LPA: variants seen among roughly 807,000 people sequenced by gnomAD.
The protein encoded by LPA is apolipoprotein(a).
In LPA, 199 loss-of-function variants were observed where a neutral mutation model predicts 197.9. The ratio of observed to expected loss-of-function variants is 1.01; its 90% confidence interval spans 0.90 to 1.13. LPA has a LOEUF of 1.13. LPA is among the 50% of genes most tolerant of loss of function. The pLI, the probability that LPA is intolerant of heterozygous loss-of-function variation, is 0.00. For missense variants in LPA, 1,853 were observed against 1,785.8 expected, an observed-to-expected ratio of 1.04 and a Z score of -0.68; for synonymous variants, 715 against 639.5, an observed-to-expected ratio of 1.12 and a Z score of -1.78.
intron 7 of LPA, among the ~76,000 whole-genome samples, chr6:160,634,698 G>T (rs1420574064): frequency 1.3e-5 from 2 of 151,816 alleles, no homozygotes; most frequent in African/African-American, 4.9e-5. Context: ...GGTTTCTCGA[G>T]GATGACAGGC....
rs534780562 is a variant in LPA at position 160,558,039 on chromosome 6, T to C, written c.4632-468A>G. Among the ~76,000 whole-genome samples, 1,131 of 151,804 alleles carry C rather than the reference T, an allele frequency of 7.5e-3. 2 individuals are homozygous for C. Among genetic ancestry groups the C allele is most frequent in the African/African-American group, 0.016 (681 of 41,406 alleles). ...GGTTCAAGCCATTCTCCTGCCTCAGTCTCCTGAGTAGCTGGGACTACAGGC... is the reference window on the plus strand; with the variant it reads ...GGTTCAAGCCATTCTCCTGCCTCAGCCTCCTGAGTAGCTGGGACTACAGGC... On this transcript the variant is annotated intron_variant, in intron 28 of 38. Coordinates refer to ENST00000316300, the MANE Select transcript of LPA (RefSeq NM_005577.4).
chr6:160,534,566 C>T (rs1443996669), intron 37 of LPA, among the ~76,000 whole-genome samples: 3 of 152,170 alleles, frequency 2.0e-5, no homozygotes, highest in Admixed American at 6.5e-5. Context: ...CATCCAAATC[C>T]GGGAAGGTCT....
chr6:160,649,901 A>C (rs1448035018), intron 2 of LPA, among the ~76,000 whole-genome samples: 1 of 152,204 alleles, frequency 6.6e-6, no homozygotes, highest in East Asian at 1.9e-4. Context: ...GAATAGACAT[A>C]GATATAGAAA....
chr6:160,557,201 A>T (rs1195895217), intron 29 of LPA, among the ~76,000 whole-genome samples, 189 bp downstream of exon 29: 1 of 152,018 alleles, frequency 6.6e-6, no homozygotes, highest in African/African-American at 2.4e-5. Flanking sequence ...GGTTTGCACC[A>T]TTCCTGAAGT....
intron 28 of LPA, among the ~76,000 whole-genome samples, chr6:160,565,188 A>G (rs1778429457): frequency 6.6e-6 from 1 of 152,200 alleles, no homozygotes; most frequent in African/African-American, 2.4e-5. Flanking sequence ...TTCTCCCAGC[A>G]GAGAGTTTGA....
At chr6:160,554,381 T>C (rs538017678) in intron 30 of LPA, among the ~76,000 whole-genome samples, 1 of 152,328 alleles carries the variant, frequency 6.6e-6, no homozygotes, top group Admixed American at 6.5e-5. Flanking sequence ...ACTGTAATCA[T>C]GTTATTTACC....
intron 37 of LPA, among the ~76,000 whole-genome samples, chr6:160,537,384 G>C (rs1411765442): frequency 6.6e-6 from 1 of 152,142 alleles, no homozygotes; most frequent in Admixed American, 6.5e-5. Context: ...GGGTATTTGG[G>C]AAGAAGAATA....
rs753180293 is a variant in LPA, at chr6:160,577,136, G to T, written c.4631C>A (p.Ala1544Asp). 3.7e-6 allele frequency: 6 copies of T among 1,613,222 alleles called. No individual in the cohort carries two copies. The Admixed American group carries it at 1.0e-4, about 27-fold the overall frequency. Reference sequence around the variant, plus strand: ...CTTATGGTTTTAATCAAATACATACGCATTTGGGTAGTTTTCTGGGGTCCT... The same window carrying T: ...CTTATGGTTTTAATCAAATACATACTCATTTGGGTAGTTTTCTGGGGTCCT... ...HQRTPENYPN[A>D]GLTENYCRNP... is the part of the protein sequence containing the mutation. The change falls in exon 28 of 39, where the codon GCT (alanine) becomes GAT (aspartate). Residue 1544 changes from alanine (A) to aspartate (D), a missense_variant and splice_region_variant. Physicochemically the swap from Ala to Asp is moderately radical, Grantham distance 126. Transcript: ENST00000316300.
At position 160,584,825 on chromosome 6, in the gene LPA, C is replaced by T. The variant is rs1403950173; in HGVS notation, c.4289+221G>A. 3.3e-5 allele frequency among the ~76,000 whole-genome samples: 5 copies of T among 152,154 alleles called. No homozygotes were observed. The East Asian group carries it at 9.6e-4, about 29-fold the overall frequency. The stretch of plus-strand genomic sequence containing the variant: ...TACATTAATGAGACTTCACCACCTC[C>T]ATATATCCTGCTGCTTCCATCAAAT... On this transcript the variant is annotated intron_variant, in intron 26 of 38. Transcript: ENST00000316300.
intron 30 of LPA, among the ~76,000 whole-genome samples, chr6:160,554,602 T>G (rs1229139441): frequency 1.3e-5 from 2 of 152,156 alleles, no homozygotes; most frequent in African/African-American, 2.4e-5. Flanking sequence ...CTCGGGCTGA[T>G]CAGAACCCCG....
chr6:160,561,564 T>C (rs1380499231), intron 28 of LPA, among the ~76,000 whole-genome samples: 1 of 152,228 alleles, frequency 6.6e-6, no homozygotes, highest in Non-Finnish European at 1.5e-5. Context: ...GCCCTTTTTC[T>C]ATTCCATATG....
intron 17 of LPA, 85 bp downstream of exon 17, chr6:160,606,392 T>G: frequency 1.9e-6 from 3 of 1,541,444 alleles, no homozygotes. Context: ...CCGTTTACCA[T>G]TGGAGGCTGC....
At chr6:160,659,330 C>T (rs1780183826) in intron 1 of LPA, among the ~76,000 whole-genome samples, 1 of 152,008 alleles carries the variant, frequency 6.6e-6, no homozygotes, top group African/African-American at 2.4e-5. Context: ...TTTTTCCTTC[C>T]CTAGTCCAAG....
intron 27 of LPA, 137 bp downstream of exon 27, chr6:160,578,386 G>C: frequency 9.3e-7 from 1 of 1,073,002 alleles, no homozygotes; most frequent in South Asian, 1.4e-5. Context: ...GGATCCCCCA[G>C]AGAGGGCGCT....
chr6:160,594,146 G>C (rs1453385588), intron 21 of LPA, 29 bp from the exon 22 acceptor site: 2 of 1,613,264 alleles, frequency 1.2e-6, no homozygotes, highest in Non-Finnish European at 1.7e-6. Flanking sequence ...AAATCAAGCT[G>C]AGTAATTTCT....
intron 22 of LPA, 90 bp downstream of exon 22, chr6:160,593,868 T>C (rs1779078513): frequency 1.3e-6 from 2 of 1,484,818 alleles, no homozygotes; most frequent in Non-Finnish European, 1.9e-6. Context: ...TGAGATAAAT[T>C]TGTCATAAGA....
chr6:160,599,588 A>T lies in LPA; in HGVS notation c.3199T>A (p.Ser1067Thr), dbSNP rs1361010055. Residue 1067 changes from serine (S) to threonine (T), a missense_variant, in exon 20 of 39, where the codon TCC becomes ACC. Ser to Thr is a moderately conservative substitution (Grantham distance 58). Coordinates refer to ENST00000316300, the MANE Select transcript of LPA (RefSeq NM_005577.4). ...CAAGTTCTTCCTGTGACAGTGGTGG[A>T]GTATGTGCCTCGGTAACTCTGTCCA... ...HYGQSYRGTY[S>T]TTVTGRTCQA... 1.9e-6 allele frequency: 3 copies of T among 1,613,988 alleles called. No homozygotes were observed. The highest frequency in any genetic ancestry group is 2.5e-6 in the Non-Finnish European group (3 of 1,179,982).
chr6:160,662,826 G>A (rs551685933), intron 1 of LPA, among the ~76,000 whole-genome samples: 2 of 152,278 alleles, frequency 1.3e-5, no homozygotes, highest in African/African-American at 4.8e-5. Context: ...TAAATTGCAA[G>A]CATCTACCTC....
Position 160,646,872 on chromosome 6 carries a change from A to C in LPA, c.210-477T>G, listed in dbSNP as rs1356709373. ...CAACGAACATGTAGTTCTTCAGAGA[A>C]AACATGGCATCAAGGAGGATAACCT... On this transcript the variant is annotated intron_variant, in intron 2 of 38. Transcript: ENST00000316300. Among the ~76,000 whole-genome samples, 3 of 151,472 alleles carry C rather than the reference A, an allele frequency of 2.0e-5. No homozygotes were observed. In the East Asian group the frequency reaches 5.8e-4, roughly 29 times the overall value.
Sources: allele counts gnomAD v4.1 joint callset (sites outside exome capture counted in the v4.1 genomes callset), GRCh38; gene constraint gnomAD v4.1.1; transcripts MANE v1.5; gene names NCBI Gene and HGNC (gene_info 2026-07-23, HGNC 2026-07-21).